ULK4: variants seen among roughly 807,000 people sequenced by gnomAD.
ULK4 encodes inactive serine/threonine-protein kinase ULK4.
ULK4 carries 133 observed loss-of-function variants against 160.6 expected under a neutral mutation model. That is an observed-to-expected ratio of 0.83 (90% CI 0.72 to 0.96). The LOEUF (loss-of-function observed/expected upper bound fraction) is 0.96. Among genes scored for constraint, ULK4 ranks in the 40% least tolerant of loss-of-function variants. The pLI, the probability that ULK4 is intolerant of heterozygous loss-of-function variation, is 0.00. For synonymous variants in ULK4, 534 were observed against 539.8 expected (o/e 0.99, Z 0.15); for missense variants, 1,580 against 1,499.5 (o/e 1.05, Z -0.89).
intron 35 of ULK4, among the ~76,000 whole-genome samples, chr3:41,390,018 G>A (rs1394002672): frequency 2.0e-5 from 3 of 152,080 alleles, no homozygotes; most frequent in Non-Finnish European, 4.4e-5. Context: ...CTTTTTGGTT[G>A]GTAAGCTATT....
intron 31 of ULK4, among the ~76,000 whole-genome samples, chr3:41,589,319 G>A (rs1467257587): frequency 6.6e-6 from 1 of 150,524 alleles, no homozygotes; most frequent in African/African-American, 2.4e-5. Flanking sequence ...GAATTCCAGA[G>A]AGAAGAGAGT....
At chr3:41,718,124 A>C (rs1007594498) in intron 22 of ULK4, among the ~76,000 whole-genome samples, 8 of 152,200 alleles carry the variant, frequency 5.3e-5, no homozygotes, top group African/African-American at 1.9e-4. Flanking sequence ...AATATTCTCC[A>C]GGTGATAAAT....
At chr3:41,644,628 C>A (rs1224432055) in intron 30 of ULK4, among the ~76,000 whole-genome samples, 3 of 152,102 alleles carry the variant, frequency 2.0e-5, no homozygotes, top group African/African-American at 4.8e-5. Context: ...CATCAGTGTT[C>A]ATCAGGGATA....
intron 35 of ULK4, among the ~76,000 whole-genome samples, chr3:41,308,489 A>G (rs1420425479): frequency 6.6e-6 from 1 of 152,214 alleles, no homozygotes; most frequent in African/African-American, 2.4e-5. Flanking sequence ...AGAAAAGGAA[A>G]GATCAGGACA....
intron 35 of ULK4, among the ~76,000 whole-genome samples, chr3:41,275,270 C>T (rs1242535848): frequency 6.6e-6 from 1 of 152,222 alleles, no homozygotes; most frequent in Non-Finnish European, 1.5e-5. Flanking sequence ...TAGAAGTTCT[C>T]TTTACCTTCT....
At chr3:41,938,342 T>C (rs1699845376) in intron 2 of ULK4, 145 bp from the exon 3 acceptor site, 8 of 622,436 alleles carry the variant, frequency 1.3e-5, no homozygotes, top group Admixed American at 1.2e-4. Flanking sequence ...TTAGAAATCA[T>C]GGTTATGAGG....
At chr3:41,370,711 T>C (rs1341833033) in intron 35 of ULK4, among the ~76,000 whole-genome samples, 1 of 152,188 alleles carries the variant, frequency 6.6e-6, no homozygotes, top group African/African-American at 2.4e-5. Context: ...AGCCCTGGGT[T>C]TCATGCACAA....
At chr3:41,652,807 G>T (rs1373683750) in intron 30 of ULK4, among the ~76,000 whole-genome samples, 1 of 152,054 alleles carries the variant, frequency 6.6e-6, no homozygotes, top group African/African-American at 2.4e-5. Flanking sequence ...AGTTCTTTGT[G>T]ATATTCATTT....
At chr3:41,843,692 G>C (rs2041992650) in intron 17 of ULK4, among the ~76,000 whole-genome samples, 1 of 152,170 alleles carries the variant, frequency 6.6e-6, no homozygotes, top group Admixed American at 6.5e-5. Flanking sequence ...GTGAGCAGCA[G>C]CAAGATTTAT....
intron 21 of ULK4, 105 bp from the exon 22 acceptor site, chr3:41,754,593 AAAAT>A: frequency 9.5e-7 from 1 of 1,048,692 alleles, no homozygotes; most frequent in Non-Finnish European, 1.3e-6. Context: ...GGCAGGAAGT[AAAAT>A]AATAACTACT....
At chr3:41,303,907 T>C (rs907973650) in intron 35 of ULK4, among the ~76,000 whole-genome samples, 15 of 151,986 alleles carry the variant, frequency 9.9e-5, no homozygotes, top group Admixed American at 2.6e-4. Flanking sequence ...CAAGGATTCT[T>C]AGAAATATTT....
intron 34 of ULK4, among the ~76,000 whole-genome samples, chr3:41,402,538 TC>T (rs1176961930): frequency 6.6e-6 from 1 of 152,186 alleles, no homozygotes; most frequent in African/African-American, 2.4e-5. Context: ...CCCCCTCTAA[TC>T]CTAGTTTGAT....
intron 32 of ULK4, among the ~76,000 whole-genome samples, chr3:41,495,099 C>T (rs963161059): frequency 6.6e-6 from 1 of 152,124 alleles, no homozygotes; most frequent in African/African-American, 2.4e-5. Context: ...TCATATGGAA[C>T]CAAAAAAGAG....
At chr3:41,501,390 C>T (rs943143518) in intron 32 of ULK4, among the ~76,000 whole-genome samples, 1 of 152,074 alleles carries the variant, frequency 6.6e-6, no homozygotes, top group African/African-American at 2.4e-5. Context: ...CCCAGCTACT[C>T]GGAAGGCTGA....
At chr3:41,361,561 A>G (rs2081145106) in intron 35 of ULK4, among the ~76,000 whole-genome samples, 1 of 152,228 alleles carries the variant, frequency 6.6e-6, no homozygotes, top group African/African-American at 2.4e-5. Context: ...TATACAGTTA[A>G]AAGTACATCA....
Position 41,938,631 on chromosome 3 carries a change from G to C in ULK4, c.139-434C>G, listed in dbSNP as rs149285286. On this transcript the variant is annotated intron_variant, in intron 2 of 36. Coordinates refer to ENST00000301831, the MANE Select transcript of ULK4 (RefSeq NM_017886.4). ...CAGGAGGCAGAAGTTGCAGGGTGCT[G>C]AGACTGCGCCACTGCACTCCAGCCT... Among the ~76,000 whole-genome samples the C allele has an allele frequency of 6.3e-3, 954 of 152,290 alleles. 9 individuals are homozygous for C. Among genetic ancestry groups the C allele is most frequent in the African/African-American group, 0.022 (914 of 41,562 alleles).
At chr3:41,481,394 G>C (rs1334896190) in intron 32 of ULK4, among the ~76,000 whole-genome samples, 1 of 152,160 alleles carries the variant, frequency 6.6e-6, no homozygotes, top group Non-Finnish European at 1.5e-5. Flanking sequence ...ATAGGGTAAG[G>C]CTGAAATCTA....
chr3:41,821,790 C>G (rs55862962), intron 18 of ULK4, among the ~76,000 whole-genome samples: 1 of 151,994 alleles, frequency 6.6e-6, no homozygotes, highest in Admixed American at 6.6e-5. Context: ...ACTAACTCCT[C>G]GCCCACTCCA....
At chr3:41,913,635 G>A (rs1698871783) in intron 8 of ULK4, among the ~76,000 whole-genome samples, 1 of 152,100 alleles carries the variant, frequency 6.6e-6, no homozygotes, top group South Asian at 2.1e-4. Context: ...TTTAAGTTTT[G>A]GAACTATTCT....
Sources: allele counts gnomAD v4.1 joint callset (sites outside exome capture counted in the v4.1 genomes callset), GRCh38; gene constraint gnomAD v4.1.1; transcripts MANE v1.5; gene names NCBI Gene and HGNC (gene_info 2026-07-23, HGNC 2026-07-21).